Variants in NPFFR2 observed in about 807,000 individuals in gnomAD.
NPFFR2 encodes neuropeptide FF receptor 2.
A neutral mutation model predicts 13.1 loss-of-function variants in NPFFR2; 15 were observed. The observed-to-expected ratio is 1.15, with a 90% confidence interval of 0.77 to 1.76. The LOEUF is 1.76. Ranked by LOEUF, NPFFR2 falls within the 40% of genes most tolerant of loss-of-function variation. The probability of loss-of-function intolerance (pLI) is 0.00; values close to 1 mark genes in which losing one functional copy is unlikely to be tolerated. For missense variants in NPFFR2, 572 were observed against 503.5 expected, an observed-to-expected ratio of 1.14 and a Z score of -1.30; for synonymous variants, 190 against 175.7, an observed-to-expected ratio of 1.08 and a Z score of -0.65.
intron 1 of NPFFR2, among the ~76,000 whole-genome samples, chr4:72,120,146 T>A (rs190644100): frequency 4.0e-4 from 61 of 152,288 alleles, no homozygotes; most frequent in Admixed American, 2.4e-3. Context: ...CCTCTCCCAG[T>A]GTAAACAAAG....
chr4:72,146,989 TG>T lies in NPFFR2; in HGVS notation c.442del (p.Val148SerfsTer18). 6.2e-7 allele frequency: 1 copy of T among 1,608,998 alleles called. No individual in the cohort carries two copies. Among genetic ancestry groups the T allele is most frequent in the Non-Finnish European group, 8.5e-7 (1 of 1,176,452 alleles). On this transcript the variant is annotated frameshift_variant, in exon 4 of 4. Coordinates refer to ENST00000308744, the MANE Select transcript of NPFFR2 (RefSeq NM_004885.3). LOFTEE classifies it low-confidence loss of function (END_TRUNC). ...VAIAVDRFQC[V>X]VYPFKPKLTI... ...GTGTTTAATTGCAGGTTCCAGTGTG[TG>T]GTCTACCCTTTTAAACCAAAGCTCA...
At chr4:72,088,891 T>C (rs1028892145) in intron 1 of NPFFR2, among the ~76,000 whole-genome samples, 2 of 151,952 alleles carry the variant, frequency 1.3e-5, no homozygotes, top group Non-Finnish European at 2.9e-5. Flanking sequence ...ATGAATAAGT[T>C]CTTCAGTGGT....
At chr4:72,112,446 A>G (rs1230527851) in intron 1 of NPFFR2, among the ~76,000 whole-genome samples, 1 of 151,812 alleles carries the variant, frequency 6.6e-6, no homozygotes, top group African/African-American at 2.4e-5. Context: ...AGATCTTTTT[A>G]TCATCATGCA....
chr4:72,141,308 A>T (rs1722614813), intron 3 of NPFFR2, among the ~76,000 whole-genome samples: 1 of 151,884 alleles, frequency 6.6e-6, no homozygotes, highest in East Asian at 1.9e-4. Context: ...TTAGCTTTTG[A>T]ATTTGTTTGC....
intron 1 of NPFFR2, among the ~76,000 whole-genome samples, chr4:72,059,847 A>C (rs576393047): frequency 1.3e-5 from 2 of 152,224 alleles, no homozygotes; most frequent in Admixed American, 1.3e-4. Context: ...TGACCTCCGT[A>C]AGTCTCCGCT....
At chr4:72,071,370 G>A (rs1184810454) in intron 1 of NPFFR2, among the ~76,000 whole-genome samples, 1 of 152,124 alleles carries the variant, frequency 6.6e-6, no homozygotes, top group African/African-American at 2.4e-5. Flanking sequence ...GTGAGATTTT[G>A]TTTTTGTGAG....
chr4:72,073,848 G>A (rs1047344388), intron 1 of NPFFR2, among the ~76,000 whole-genome samples: 5 of 151,344 alleles, frequency 3.3e-5, no homozygotes, highest in African/African-American at 1.2e-4. Flanking sequence ...TAATCCCCAT[G>A]GTAACTACAG....
In NPFFR2 at chr4:72,116,936, C is replaced by G. The variant is rs1460756492; in HGVS notation, c.-7-11649C>G. Among the ~76,000 whole-genome samples the G allele has an allele frequency of 2.6e-5, 4 of 152,030 alleles. No individual in the cohort carries two copies. In the East Asian group the frequency reaches 7.7e-4, roughly 29 times the overall value. On this transcript the variant is annotated intron_variant, in intron 1 of 3. Coordinates refer to ENST00000308744, the MANE Select transcript of NPFFR2 (RefSeq NM_004885.3). Reference sequence around the variant, plus strand: ...AAGCCCCAAAGGCCAAAAGTAAAACCCCCTACCCCAAACCTGCCTGTATCT... The same window carrying G: ...AAGCCCCAAAGGCCAAAAGTAAAACGCCCTACCCCAAACCTGCCTGTATCT...
intron 1 of NPFFR2, among the ~76,000 whole-genome samples, chr4:72,075,956 G>A (rs1002942493): frequency 4.4e-5 from 5 of 113,092 alleles, no homozygotes; most frequent in Non-Finnish European, 7.3e-5. Flanking sequence ...CTCTCTCTCT[G>A]TCACACACAC....
At chr4:72,080,025 A>G (rs988304575) in intron 1 of NPFFR2, among the ~76,000 whole-genome samples, 2 of 152,194 alleles carry the variant, frequency 1.3e-5, no homozygotes, top group Non-Finnish European at 2.9e-5. Flanking sequence ...GCTCTTTGAT[A>G]TATAAATAAT....
chr4:72,061,616 A>G (rs759218213), intron 1 of NPFFR2, among the ~76,000 whole-genome samples: 2 of 152,174 alleles, frequency 1.3e-5, no homozygotes, highest in African/African-American at 2.4e-5. Context: ...AATGCCTGAC[A>G]TATGTATTTC....
At chr4:72,123,445 T>C (rs1721948577) in intron 1 of NPFFR2, among the ~76,000 whole-genome samples, 1 of 152,104 alleles carries the variant, frequency 6.6e-6, no homozygotes, top group African/African-American at 2.4e-5. Context: ...TACCAAAACC[T>C]GGCAGAGACA....
At chr4:72,051,904 A>G (rs1328370100) in intron 1 of NPFFR2, among the ~76,000 whole-genome samples, 13 of 148,976 alleles carry the variant, frequency 8.7e-5, no homozygotes, top group Admixed American at 4.0e-4. Flanking sequence ...GAAGAAATGG[A>G]TAAATTCCTC....
At chr4:72,071,043 A>G (rs1720238453) in intron 1 of NPFFR2, among the ~76,000 whole-genome samples, 1 of 152,166 alleles carries the variant, frequency 6.6e-6, no homozygotes, top group South Asian at 2.1e-4. Context: ...CACTGTTAGC[A>G]AATTATCAAA....
intron 1 of NPFFR2, among the ~76,000 whole-genome samples, chr4:72,118,274 A>G (rs1362110531): frequency 6.6e-6 from 1 of 152,236 alleles, no homozygotes; most frequent in African/African-American, 2.4e-5. Flanking sequence ...CTGTCCTACC[A>G]TAAGACTATA....
intron 1 of NPFFR2, among the ~76,000 whole-genome samples, chr4:72,102,902 G>A (rs1721297722): frequency 6.6e-6 from 1 of 151,942 alleles, no homozygotes; most frequent in Admixed American, 6.6e-5. Context: ...TGGGATTGCT[G>A]GGTCAAGTGG....
At chr4:72,105,879 A>G (rs919252566) in intron 1 of NPFFR2, among the ~76,000 whole-genome samples, 2 of 152,078 alleles carry the variant, frequency 1.3e-5, no homozygotes, top group Non-Finnish European at 2.9e-5. Context: ...CCTAATAATT[A>G]TGTAACAGGA....
chr4:72,131,735 A>G (rs1296545595), intron 2 of NPFFR2, among the ~76,000 whole-genome samples: 1 of 152,200 alleles, frequency 6.6e-6, no homozygotes, highest in African/African-American at 2.4e-5. Context: ...AAAAGATTAT[A>G]AAAAAGCATG....
intron 1 of NPFFR2, among the ~76,000 whole-genome samples, chr4:72,127,132 C>G (rs1156260749): frequency 6.6e-6 from 1 of 150,794 alleles, no homozygotes; most frequent in Non-Finnish European, 1.5e-5. Flanking sequence ...GAAACCCCGT[C>G]TCTACTAAAA....
Sources: allele counts gnomAD v4.1 joint callset (sites outside exome capture counted in the v4.1 genomes callset), GRCh38; gene constraint gnomAD v4.1.1; transcripts MANE v1.5; gene names NCBI Gene and HGNC (gene_info 2026-07-23, HGNC 2026-07-21).